Variants in MS4A8 observed in about 807,000 individuals in gnomAD.
MS4A8 encodes membrane spanning 4-domains A8.
Under a neutral mutation model 23.7 loss-of-function variants are expected in MS4A8, and 27 were observed. The ratio of observed to expected loss-of-function variants is 1.14; its 90% CI spans 0.84 to 1.57. MS4A8 has a LOEUF of 1.57. Among genes scored for constraint, MS4A8 ranks in the 40% most tolerant of loss-of-function variants. The pLI, the probability that MS4A8 is intolerant of heterozygous loss-of-function variation, is 0.00. For missense variants in MS4A8, 301 were observed against 311.4 expected, an observed-to-expected ratio of 0.97 and a Z score of 0.25; for synonymous variants, 138 against 126.3, an observed-to-expected ratio of 1.09 and a Z score of -0.62.
At position 60,714,025 on chromosome 11, in the gene MS4A8, T is replaced by C. The variant is rs375297502; in HGVS notation, c.535-996T>C. Among the ~76,000 whole-genome samples the C allele has an allele frequency of 5.6e-3, 822 of 146,306 alleles. 52 individuals are homozygous for C. Among genetic ancestry groups the C allele is most frequent in the African/African-American group, 0.021 (772 of 37,064 alleles). ...CTGCAAGCTCCACTTCCCGGGTTCA[T>C]GCCATTCTCCTGCCTCAGCCTCCCG... On this transcript the variant is annotated intron_variant, in intron 5 of 6. Coordinates refer to ENST00000300226, the MANE Select transcript of MS4A8 (RefSeq NM_031457.2).
In MS4A8 at chr11:60,704,812, CCACACACACACA is replaced by C. The variant is rs759471971; in HGVS notation, c.342+1325_342+1336del. 9.3e-5 allele frequency among the ~76,000 whole-genome samples: 13 copies of C among 139,122 alleles called. No homozygotes were observed. The South Asian group carries it at 2.7e-3, about 29-fold the overall frequency. The allele number at this position is 139,122 out of a possible 152,430, so 91.3% of individuals were successfully genotyped here. A position where few individuals can be genotyped will look rare whatever the true frequency, so the allele number is the denominator to read the frequency against. On this transcript the variant is annotated intron_variant, in intron 3 of 6. Transcript: ENST00000300226. ...TGGTTCCTTTGCAGTGTCCCCCTGC[CCACACACACACA>C]CACACACACACATACACACACACAC...
chr11:60,713,107 A>G (rs1460420905), intron 5 of MS4A8, among the ~76,000 whole-genome samples: 3 of 152,168 alleles, frequency 2.0e-5, no homozygotes, highest in African/African-American at 7.2e-5. Context: ...AACAGCCCCA[A>G]TTCCTGCCCT....
At chr11:60,714,945 T>G in intron 5 of MS4A8, 76 bp from the exon 6 acceptor site, 1 of 1,019,448 alleles carries the variant, frequency 9.8e-7, no homozygotes, top group Non-Finnish European at 1.6e-6. Flanking sequence ...AAAGAGTCCA[T>G]GGCAGGGCCC....
intron 5 of MS4A8, among the ~76,000 whole-genome samples, chr11:60,711,105 C>T (rs2088296805): frequency 6.6e-6 from 1 of 152,202 alleles, no homozygotes; most frequent in Admixed American, 6.5e-5. Context: ...ACATTTCATG[C>T]TTACTGCCTG....
At chr11:60,701,566 T>C (rs1197378205) in intron 2 of MS4A8, 1 of 280,496 alleles carries the variant, frequency 3.6e-6, no homozygotes, top group Non-Finnish European at 7.1e-6. Flanking sequence ...TGTAGCTGAA[T>C]GATGGGCATG....
intron 2 of MS4A8, among the ~76,000 whole-genome samples, chr11:60,702,312 A>G (rs1360658159): frequency 6.6e-6 from 1 of 152,246 alleles, no homozygotes; most frequent in African/African-American, 2.4e-5. Flanking sequence ...TTTACTGAAC[A>G]CTGGACTGAA....
In MS4A8 at chr11:60,715,051, C is replaced by T; in HGVS notation, c.565C>T (p.Leu189=). ...NPGMAISGVL[L]VFCLLEFGIA... is the part of the protein sequence containing the mutation. ...TGGAATGGCGATTTCTGGCGTGCTG[C>T]TGGTCTTCTGCCTCCTGGAGTTTGG... The change falls in exon 6 of 7, where the codon CTG becomes TTG. Residue 189 remains leucine, a synonymous_variant. Transcript: ENST00000300226. 1.2e-6 allele frequency: 2 copies of T among 1,614,120 alleles called. No individual in the cohort carries two copies. Among genetic ancestry groups the T allele is most frequent in the South Asian group, 1.1e-5 (1 of 91,080 alleles).
intron 3 of MS4A8, among the ~76,000 whole-genome samples, chr11:60,705,346 G>T (rs1250577404): frequency 6.6e-6 from 1 of 152,254 alleles, no homozygotes; most frequent in Non-Finnish European, 1.5e-5. Context: ...CCAGTGAGCA[G>T]CAGGCAGTTG....
At chr11:60,710,628 G>A (rs1313018761) in intron 5 of MS4A8, among the ~76,000 whole-genome samples, 1 of 151,938 alleles carries the variant, frequency 6.6e-6, no homozygotes, top group Admixed American at 6.6e-5. Context: ...TCCTACTCTG[G>A]GCTCACTGCA....
intron 2 of MS4A8, among the ~76,000 whole-genome samples, chr11:60,701,795 T>A (rs2088207099): frequency 6.6e-6 from 1 of 152,244 alleles, no homozygotes; most frequent in Non-Finnish European, 1.5e-5. Context: ...TGGTTTGTGA[T>A]AACAAAAATA....
rs1485345081 is a variant in MS4A8 at position 60,715,289 on chromosome 11, CT to C, written c.649-20del. ...TGGCCCGTCCTTCTTAGCATGCCCC[CT>C]GTGTGCCTGTGTTTTCCAGGTGAGT... On this transcript the variant is annotated intron_variant, in intron 6 of 6. Transcript: ENST00000300226. The C allele has an allele frequency of 2.5e-6, 4 of 1,607,192 alleles. No individual in the cohort carries two copies. The highest frequency in any genetic ancestry group is 2.6e-6 in the Non-Finnish European group (3 of 1,173,848).
At position 60,712,345 on chromosome 11, in the gene MS4A8, A is replaced by G. The variant is rs554347645; in HGVS notation, c.535-2676A>G. ...TTCCTACTAGATTGTGCCTCTCAGGATGCATTTCTTAGCCGCTTCTACCAA... is the reference window on the plus strand; with the variant it reads ...TTCCTACTAGATTGTGCCTCTCAGGGTGCATTTCTTAGCCGCTTCTACCAA... On this transcript the variant is annotated intron_variant, in intron 5 of 6. Transcript: ENST00000300226. The G allele has an allele frequency of 1.3e-5, 13 of 985,316 alleles. No homozygotes were observed. In the South Asian group the frequency reaches 5.6e-4, roughly 43 times the overall value. 61.0% of individuals were successfully genotyped at this position (985,316 alleles called of 1,614,324 possible).
Position 60,708,654 on chromosome 11 carries a change from C to G in MS4A8, c.407C>G (p.Ser136Cys), listed in dbSNP as rs752522397. ...GACCCTCTGTGTCTTCTTCAGCTGTCTGGCAGTTTGGGCTTGAACATCGTC... is the reference window on the plus strand; with the variant it reads ...GACCCTCTGTGTCTTCTTCAGCTGTGTGGCAGTTTGGGCTTGAACATCGTC... ...ENQPYSYCLLSGSLGLNIVSA... is the reference protein window; with the variant it reads ...ENQPYSYCLLCGSLGLNIVSA... The change falls in exon 5 of 7, where the codon TCT (serine) becomes TGT (cysteine). Residue 136 changes from serine (S) to cysteine (C), a missense_variant. Physicochemically the swap from Ser to Cys is moderately radical, Grantham distance 112. Coordinates refer to ENST00000300226, the MANE Select transcript of MS4A8 (RefSeq NM_031457.2). 8 of 1,533,796 alleles carry G rather than the reference C, an allele frequency of 5.2e-6. No homozygotes were observed. The East Asian group carries it at 1.9e-4, about 36-fold the overall frequency.
chr11:60,711,095 A>G (rs1424620334), intron 5 of MS4A8, among the ~76,000 whole-genome samples: 1 of 152,128 alleles, frequency 6.6e-6, no homozygotes, highest in Non-Finnish European at 1.5e-5. Flanking sequence ...CTTATTTGTT[A>G]CATTTCATGC....
intron 4 of MS4A8, among the ~76,000 whole-genome samples, chr11:60,707,521 G>A (rs1775513948): frequency 6.6e-6 from 1 of 152,164 alleles, no homozygotes; most frequent in Non-Finnish European, 1.5e-5. Context: ...TAATCAACAT[G>A]GACAAAGCTT....
chr11:60,702,892 CAT>C (rs1565051020), intron 2 of MS4A8: 1 of 152,148 alleles, frequency 6.6e-6, no homozygotes, highest in African/African-American at 2.4e-5. Flanking sequence ...TAATTTAACA[CAT>C]AACAATATCC....
intron 6 of MS4A8, 62 bp downstream of exon 6, chr11:60,715,196 C>G (rs1316105871): frequency 6.7e-7 from 1 of 1,500,694 alleles, no homozygotes; most frequent in Non-Finnish European, 9.3e-7. Flanking sequence ...GACAAGGGAG[C>G]TCTTTGTGCT....
Position 60,701,722 on chromosome 11 carries a change from C to T in MS4A8, c.219+643C>T, listed in dbSNP as rs536579543. Among the ~76,000 whole-genome samples the T allele has an allele frequency of 5.3e-5, 8 of 152,356 alleles. No individual in the cohort carries two copies. In the South Asian group the frequency reaches 1.4e-3, roughly 28 times the overall value. ...TCCAATAATTCCATTGCTGGAACTT[C>T]ATCCTCCAGATATGCCTGTGCCCAC... On this transcript the variant is annotated intron_variant, in intron 2 of 6. Transcript: ENST00000300226.
Position 60,715,113 on chromosome 11 carries a change from G to C in MS4A8, c.627G>C (p.Leu209Phe). The C allele has an allele frequency of 6.2e-7, 1 of 1,613,840 alleles. No homozygotes were observed. Among genetic ancestry groups the C allele is most frequent in the Non-Finnish European group, 8.5e-7 (1 of 1,179,782 alleles). ...ACASSHFGCQ[L>F]VCCQSSNVSV... is the part of the protein sequence containing the mutation. ...CATCTTCCCACTTTGGCTGCCAGTT[G>C]GTCTGCTGTCAATCAAGCAATGTGA... The change falls in exon 6 of 7, where the codon TTG (leucine) becomes TTC (phenylalanine). Residue 209 changes from leucine (L) to phenylalanine (F), a missense_variant. By Grantham distance (22) the Leu-to-Phe change is conservative. Coordinates refer to ENST00000300226, the MANE Select transcript of MS4A8 (RefSeq NM_031457.2).
Sources: allele counts gnomAD v4.1 joint callset (sites outside exome capture counted in the v4.1 genomes callset), GRCh38; gene constraint gnomAD v4.1.1; transcripts MANE v1.5; gene names NCBI Gene and HGNC (gene_info 2026-07-23, HGNC 2026-07-21).